Variants in SLIT2 observed in about 807,000 individuals in gnomAD.
SLIT2 encodes the protein slit homolog 2 protein.
In SLIT2, 41 loss-of-function variants were observed where a neutral mutation model predicts 185.7. The ratio of observed to expected loss-of-function variants is 0.22; its 90% CI spans 0.17 to 0.29. The LOEUF is 0.29. Among genes scored for constraint, SLIT2 ranks in the 10% least tolerant of loss-of-function variants. The probability of loss-of-function intolerance (pLI) is 1.00; values close to 1 mark genes in which losing one functional copy is unlikely to be tolerated. For missense variants in SLIT2, 1,571 were observed against 1,909.0 expected, an observed-to-expected ratio of 0.82 and a Z score of 3.30; for synonymous variants, 693 against 680.2, an observed-to-expected ratio of 1.02 and a Z score of -0.29.
intron 5 of SLIT2, among the ~76,000 whole-genome samples, chr4:20,472,598 C>CGATA (rs1243899697): frequency 1.3e-4 from 1 of 7,778 alleles, no homozygotes; most frequent in Non-Finnish European, 2.1e-4. Context: ...AGATATATAT[C>CGATA]TATAGATATA....
At chr4:20,386,252 A>T (rs750136677) in intron 4 of SLIT2, among the ~76,000 whole-genome samples, 1 of 152,214 alleles carries the variant, frequency 6.6e-6, no homozygotes, top group South Asian at 2.1e-4. Context: ...AAAAGGAAGC[A>T]AGAGAATTGA....
intron 4 of SLIT2, among the ~76,000 whole-genome samples, chr4:20,335,178 G>T (rs1720392915): frequency 6.6e-6 from 1 of 152,094 alleles, no homozygotes; most frequent in African/African-American, 2.4e-5. Flanking sequence ...TTCAAGATGA[G>T]ATTTGAATGG....
intron 34 of SLIT2, 48 bp downstream of exon 34, chr4:20,610,215 A>C: frequency 8.4e-6 from 13 of 1,541,628 alleles, no homozygotes; most frequent in Non-Finnish European, 1.2e-5. Context: ...TGTGATTCTC[A>C]TTATGGACGA....
At chr4:20,349,967 A>G (rs529092200) in intron 4 of SLIT2, among the ~76,000 whole-genome samples, 2 of 152,336 alleles carry the variant, frequency 1.3e-5, no homozygotes, top group South Asian at 2.1e-4. Context: ...TGTATAAGTA[A>G]TATTCTACTT....
At chr4:20,506,191 C>A (rs2148819367) in intron 9 of SLIT2, among the ~76,000 whole-genome samples, 1 of 152,068 alleles carries the variant, frequency 6.6e-6, no homozygotes, top group African/African-American at 2.4e-5. Flanking sequence ...ATGGAAAAGT[C>A]TTTCTTGTAG....
At chr4:20,440,576 T>A (rs1729672160) in intron 4 of SLIT2, among the ~76,000 whole-genome samples, 1 of 152,098 alleles carries the variant, frequency 6.6e-6, no homozygotes, top group Non-Finnish European at 1.5e-5. Context: ...AACAACGCAA[T>A]GAATAAAAAT....
chr4:20,397,439 C>T (rs1334022865), intron 4 of SLIT2, among the ~76,000 whole-genome samples: 3 of 151,784 alleles, frequency 2.0e-5, no homozygotes, highest in African/African-American at 7.3e-5. Context: ...CACTGCTTCT[C>T]AAAGCTGATT....
intron 9 of SLIT2, among the ~76,000 whole-genome samples, chr4:20,492,833 A>G (rs1253873087): frequency 6.6e-6 from 1 of 152,156 alleles, no homozygotes; most frequent in Non-Finnish European, 1.5e-5. Context: ...TAACTTATCT[A>G]ATGTACCTTA....
chr4:20,606,973 A>G (rs541266965), intron 33 of SLIT2, among the ~76,000 whole-genome samples: 3 of 152,190 alleles, frequency 2.0e-5, no homozygotes, highest in Non-Finnish European at 2.9e-5. Context: ...GTGCATAATA[A>G]TTAAGAGCAC....
At position 20,383,299 on chromosome 4, in the gene SLIT2, G is replaced by A. The variant is rs1724677486; in HGVS notation, c.396-84453G>A. ...TAAACAAAATAAAAGCCACAGACTA[G>A]GAGGAAGTATTTTAAAAATACATAT... On this transcript the variant is annotated intron_variant, in intron 4 of 36. Coordinates refer to ENST00000504154, the MANE Select transcript of SLIT2 (RefSeq NM_004787.4). 2.6e-5 allele frequency among the ~76,000 whole-genome samples: 4 copies of A among 152,140 alleles called. No homozygotes were observed. The South Asian group carries it at 8.3e-4, about 32-fold the overall frequency.
At chr4:20,546,212 A>G (rs1045936862) in intron 22 of SLIT2, 113 bp downstream of exon 22, 7 of 586,984 alleles carry the variant, frequency 1.2e-5, no homozygotes, top group African/African-American at 1.1e-4. Flanking sequence ...TCACAGTTAG[A>G]TGCTTCCCTC....
At chr4:20,368,263 A>G (rs918914102) in intron 4 of SLIT2, among the ~76,000 whole-genome samples, 1 of 151,174 alleles carries the variant, frequency 6.6e-6, no homozygotes, top group Admixed American at 6.6e-5. Flanking sequence ...AAGAGAAAGA[A>G]TGGGAAGTAG....
In SLIT2 at chr4:20,357,622, T is replaced by C. The variant is rs1722429268; in HGVS notation, c.395+88741T>C. Reference sequence around the variant, plus strand: ...TAGGTAGTAGGTAGTCTTTTTCTTTTGTTACAAGTGCTTTGAAATTACTGG... The same window carrying C: ...TAGGTAGTAGGTAGTCTTTTTCTTTCGTTACAAGTGCTTTGAAATTACTGG... On this transcript the variant is annotated intron_variant, in intron 4 of 36. Coordinates refer to ENST00000504154, the MANE Select transcript of SLIT2 (RefSeq NM_004787.4). Among the ~76,000 whole-genome samples, 3 of 152,196 alleles carry C rather than the reference T, an allele frequency of 2.0e-5. No individual in the cohort carries two copies. In the East Asian group the frequency reaches 5.8e-4, roughly 29 times the overall value.
intron 4 of SLIT2, among the ~76,000 whole-genome samples, chr4:20,412,735 C>T (rs1198147838): frequency 1.3e-5 from 2 of 151,978 alleles, no homozygotes; most frequent in Non-Finnish European, 1.5e-5. Context: ...TTTATATTTT[C>T]ATAGAGTTAT....
At chr4:20,408,338 A>G (rs1237503232) in intron 4 of SLIT2, among the ~76,000 whole-genome samples, 2 of 152,190 alleles carry the variant, frequency 1.3e-5, no homozygotes, top group Non-Finnish European at 2.9e-5. Context: ...AATGTAAACC[A>G]CAGCCCCTAA....
chr4:20,493,345 A>T (rs146377739), intron 9 of SLIT2, among the ~76,000 whole-genome samples: 8 of 152,336 alleles, frequency 5.3e-5, no homozygotes, highest in Admixed American at 1.3e-4. Flanking sequence ...TAAAGAGTAG[A>T]ACGAAATACT....
chr4:20,485,160 T>C (rs759664568), intron 6 of SLIT2, among the ~76,000 whole-genome samples: 2 of 152,160 alleles, frequency 1.3e-5, no homozygotes, highest in Non-Finnish European at 2.9e-5. Context: ...ACTTTACTTG[T>C]ATACCCCCCG....
intron 4 of SLIT2, among the ~76,000 whole-genome samples, chr4:20,378,197 T>C (rs1560369200): frequency 6.6e-6 from 1 of 152,134 alleles, no homozygotes; most frequent in Non-Finnish European, 1.5e-5. Flanking sequence ...AAGTGACTTA[T>C]AAAAATCAGT....
chr4:20,495,661 G>A (rs1036604079), intron 9 of SLIT2, among the ~76,000 whole-genome samples: 6 of 152,100 alleles, frequency 3.9e-5, no homozygotes, highest in African/African-American at 1.4e-4. Context: ...GGTGTATCAG[G>A]TAAAGCTACA....
Sources: allele counts gnomAD v4.1 joint callset (sites outside exome capture counted in the v4.1 genomes callset), GRCh38; gene constraint gnomAD v4.1.1; transcripts MANE v1.5; gene names NCBI Gene and HGNC (gene_info 2026-07-23, HGNC 2026-07-21).